Variants in FRMD3 observed in about 807,000 individuals in gnomAD.
The protein encoded by FRMD3 is FERM domain-containing protein 3.
In FRMD3, 33 loss-of-function variants were observed where a neutral mutation model predicts 70.2. The observed-to-expected ratio is 0.47, with a 90% CI of 0.36 to 0.63. The LOEUF is 0.63. Ranked by LOEUF, FRMD3 falls within the 20% of genes least tolerant of loss-of-function variation. The pLI is 0.00. For synonymous variants in FRMD3, 279 were observed against 255.9 expected (o/e 1.09, Z -0.86); for missense variants, 632 against 711.4 (o/e 0.89, Z 1.27).
At chr9:83,251,672 A>G (rs993668302) in intron 13 of FRMD3, among the ~76,000 whole-genome samples, 4 of 152,326 alleles carry the variant, frequency 2.6e-5, no homozygotes, top group Non-Finnish European at 5.9e-5. Context: ...AGAGGAACAT[A>G]ATGGACCTGA....
chr9:83,244,336 CTAT>C (rs66489430), downstream of FRMD3, among the ~76,000 whole-genome samples: 104,075 of 151,618 alleles, frequency 0.69, 38,488 homozygotes, highest in East Asian at 0.96. Context: ...TACCCCTCTT[CTAT>C]TATTTTTTCT....
At chr9:83,315,382 T>C (rs1835528173) in intron 6 of FRMD3, among the ~76,000 whole-genome samples, 1 of 152,174 alleles carries the variant, frequency 6.6e-6, no homozygotes, top group Non-Finnish European at 1.5e-5. Context: ...TGGAACAGCA[T>C]GTGATATGAT....
intron 1 of FRMD3, among the ~76,000 whole-genome samples, chr9:83,463,631 G>A (rs1032668776): frequency 6.6e-6 from 1 of 152,142 alleles, no homozygotes; most frequent in African/African-American, 2.4e-5. Context: ...TGAGATTTGG[G>A]TGGGACACAG....
intron 1 of FRMD3, among the ~76,000 whole-genome samples, chr9:83,448,674 G>A (rs770870207): frequency 3.3e-5 from 5 of 151,786 alleles, no homozygotes; most frequent in Non-Finnish European, 4.4e-5. Flanking sequence ...ACCACAGAGC[G>A]GGAAAAAAAA....
intron 12 of FRMD3, among the ~76,000 whole-genome samples, chr9:83,293,920 C>A (rs1349252036): frequency 6.6e-6 from 1 of 152,148 alleles, no homozygotes; most frequent in Non-Finnish European, 1.5e-5. Context: ...TAGGGATTTC[C>A]CTGAAGCACA....
chr9:83,309,545 G>T lies in FRMD3; in HGVS notation c.917C>A (p.Ala306Asp), dbSNP rs921277066. The part of the protein sequence containing the change: ...HLWKCGVENQ[A>D]FYKYAKSSQI... ...AATAAAAGCCACTTACTTATAAAAGGCCTGGTTTTCCACTCCACACTTCCA... is the reference window on the plus strand; with the variant it reads ...AATAAAAGCCACTTACTTATAAAAGTCCTGGTTTTCCACTCCACACTTCCA... The change falls in exon 10 of 14, where the codon GCC becomes GAC. Residue 306 changes from alanine to aspartate, a missense_variant. By Grantham distance (126) the Ala-to-Asp change is moderately radical. Around this residue, in one of 3 missense-constraint regions of FRMD3, gnomAD observed 418 missense variants for 442.1 expected, o/e 0.95. Transcript: ENST00000304195. 2 of 1,580,830 alleles carry T rather than the reference G, an allele frequency of 1.3e-6. No individual in the cohort carries two copies. The highest frequency in any genetic ancestry group is 1.2e-5 in the South Asian group (1 of 83,290).
chr9:83,440,965 T>C (rs1219617971), intron 1 of FRMD3, among the ~76,000 whole-genome samples: 2 of 152,164 alleles, frequency 1.3e-5, no homozygotes, highest in Admixed American at 1.3e-4. Context: ...CCATGAGACT[T>C]GTTTCGGCCA....
chr9:83,473,157 T>C (rs935297841), intron 1 of FRMD3, among the ~76,000 whole-genome samples: 1 of 152,192 alleles, frequency 6.6e-6, no homozygotes. Flanking sequence ...GCTACTGGCA[T>C]TTGAGCTTTC....
intron 5 of FRMD3, among the ~76,000 whole-genome samples, chr9:83,342,724 ATAGATAGATAGT>A (rs143108082): frequency 0.035 from 5,171 of 147,906 alleles, 123 homozygotes; most frequent in East Asian, 0.085. Context: ...AGATAGATAG[ATAGATAGATAGT>A]TAGATAGACA....
At chr9:83,331,715 T>C in intron 6 of FRMD3, 1 of 651,102 alleles carries the variant, frequency 1.5e-6, no homozygotes. Context: ...CTCTGTGCCT[T>C]CCTTTCAATT....
intron 5 of FRMD3, among the ~76,000 whole-genome samples, chr9:83,335,852 C>T (rs542804265): frequency 5.3e-5 from 8 of 152,278 alleles, no homozygotes; most frequent in African/African-American, 1.7e-4. Flanking sequence ...AGAATCTTCT[C>T]TGGGTCTCGC....
rs1835314778 is a variant in FRMD3 at position 83,310,587 on chromosome 9, G to A, written c.774-39C>T. On this transcript the variant is annotated intron_variant, in intron 8 of 13. Coordinates refer to ENST00000304195, the MANE Select transcript of FRMD3 (RefSeq NM_174938.6). ...ATCTCTGGGTAAGAAGAAAAAAAGT[G>A]GCAGCTAACCAAGGTACCTGGGTTT... The A allele has an allele frequency of 2.0e-6, 3 of 1,523,164 alleles. No individual in the cohort carries two copies. In the East Asian group the frequency reaches 6.9e-5, roughly 35 times the overall value. 94.4% of individuals were successfully genotyped at this position (1,523,164 alleles called of 1,614,324 possible). A position where few individuals can be genotyped will look rare whatever the true frequency, so the allele number is the denominator to read the frequency against.
intron 2 of FRMD3, among the ~76,000 whole-genome samples, chr9:83,375,700 C>T (rs925235724): frequency 6.6e-6 from 1 of 152,146 alleles, no homozygotes; most frequent in Non-Finnish European, 1.5e-5. Flanking sequence ...GGGAACAACA[C>T]ACACTGGGGC....
rs953875951 is a variant in FRMD3, at chr9:83,538,257, G to C, written c.-26C>G. ...GCACCGCGGCCGTGGGGAGCGAGCG[G>C]GAGGCTCAGGGCCGGCGCGGTGCTC... On this transcript the variant is annotated 5_prime_UTR_variant, in exon 1 of 14. Transcript: ENST00000304195. This position sits in a 1 kb window ranked among gnomAD's most constrained non-coding sequence, Gnocchi z 4.7. 1.4e-5 allele frequency: 21 copies of C among 1,543,982 alleles called. No homozygotes were observed. The highest frequency in any genetic ancestry group is 1.4e-5 in the African/African-American group (1 of 73,044).
intron 1 of FRMD3, among the ~76,000 whole-genome samples, chr9:83,500,990 T>C (rs368757911): frequency 2.0e-5 from 3 of 152,174 alleles, no homozygotes; most frequent in African/African-American, 7.2e-5. Context: ...GCATAATATA[T>C]GCGAAATACA....
intron 1 of FRMD3, among the ~76,000 whole-genome samples, chr9:83,403,101 A>G (rs1186208623): frequency 6.6e-6 from 1 of 151,844 alleles, no homozygotes; most frequent in African/African-American, 2.4e-5. Context: ...ACGGGGTTTC[A>G]TCATATTGGC....
intron 3 of FRMD3, among the ~76,000 whole-genome samples, chr9:83,370,410 A>G (rs1403187551): frequency 6.6e-6 from 1 of 152,210 alleles, no homozygotes; most frequent in Non-Finnish European, 1.5e-5. Context: ...AAAATTACAT[A>G]ATTTTTTTGT....
chr9:83,434,762 A>C (rs1827082957), intron 1 of FRMD3, among the ~76,000 whole-genome samples: 1 of 151,776 alleles, frequency 6.6e-6, no homozygotes, highest in Non-Finnish European at 1.5e-5. Context: ...TTAAAGAGGA[A>C]ACTATAATTA....
intron 10 of FRMD3, among the ~76,000 whole-genome samples, chr9:83,305,965 C>T (rs945517861): frequency 1.3e-5 from 2 of 152,142 alleles, no homozygotes; most frequent in Admixed American, 6.5e-5. Flanking sequence ...TACCAGAATA[C>T]CTTCCTTACT....
Sources: allele counts gnomAD v4.1 joint callset (sites outside exome capture counted in the v4.1 genomes callset), GRCh38; gene constraint gnomAD v4.1.1; regional missense constraint gnomAD v4.1.1; non-coding constraint Gnocchi (gnomAD v3.1); transcripts MANE v1.5; gene names NCBI Gene and HGNC (gene_info 2026-07-23, HGNC 2026-07-21).